SNX29: variants seen among roughly 807,000 people sequenced by gnomAD.
SNX29 encodes the protein sorting nexin 29.
Under a neutral mutation model 102.1 loss-of-function variants are expected in SNX29, and 78 were observed. The observed-to-expected ratio is 0.76, with a 90% confidence interval of 0.64 to 0.92. The LOEUF (loss-of-function observed/expected upper bound fraction) is 0.92, where lower values mean the gene tolerates loss of function less well. SNX29 is among the 40% of genes least tolerant of loss of function. SNX29 has a pLI of 0.00. For synonymous variants in SNX29, 580 were observed against 414.5 expected, an observed-to-expected ratio of 1.40 and a Z score of -4.85; for missense variants, 1,280 against 1,061.7, an observed-to-expected ratio of 1.21 and a Z score of -2.86.
At chr16:12,463,853 T>TGTGTGA (rs1215790835) in intron 18 of SNX29, among the ~76,000 whole-genome samples, 31 of 137,382 alleles carry the variant, frequency 2.3e-4, no homozygotes, top group African/African-American at 6.2e-4. Context: ...TGTGTGTGTG[T>TGTGTGA]GAGAGATGAC....
intron 14 of SNX29, among the ~76,000 whole-genome samples, chr16:12,273,916 C>CT (rs1228888958): frequency 1.3e-5 from 2 of 152,206 alleles, no homozygotes; most frequent in South Asian, 4.1e-4. Flanking sequence ...TGAGTCTGCT[C>CT]TTCATTCCTC....
intron 16 of SNX29, among the ~76,000 whole-genome samples, chr16:12,381,277 G>T (rs1204050736): frequency 3.2e-5 from 2 of 62,812 alleles, no homozygotes; most frequent in Non-Finnish European, 5.9e-5. Context: ...CCACGCATCT[G>T]CCCACCACCC....
At chr16:12,439,695 C>T (rs910310784) in intron 18 of SNX29, among the ~76,000 whole-genome samples, 21 of 147,882 alleles carry the variant, frequency 1.4e-4, no homozygotes, top group Non-Finnish European at 4.5e-5. Context: ...AGCTACAATT[C>T]AAGATGAGAT....
At chr16:12,382,317 C>G (rs11075065) in intron 16 of SNX29, among the ~76,000 whole-genome samples, 61,219 of 151,982 alleles carry the variant, frequency 0.4, 13,757 homozygotes, top group East Asian at 0.58. Context: ...TGGTGTGAAC[C>G]TTGCTCCGTC....
chr16:12,520,196 G>A (rs780562324), intron 19 of SNX29, among the ~76,000 whole-genome samples: 1 of 152,138 alleles, frequency 6.6e-6, no homozygotes, highest in Non-Finnish European at 1.5e-5. Context: ...AGTGCCTGGG[G>A]CAGAGGATGA....
At chr16:12,556,973 T>C (rs1423308256) in intron 20 of SNX29, among the ~76,000 whole-genome samples, 2 of 145,446 alleles carry the variant, frequency 1.4e-5, no homozygotes, top group East Asian at 2.0e-4. Flanking sequence ...TTCTGCCTCA[T>C]GAGTAGCTGG....
At chr16:12,246,099 T>C (rs1158713191) in intron 14 of SNX29, among the ~76,000 whole-genome samples, 1 of 152,216 alleles carries the variant, frequency 6.6e-6, no homozygotes, top group East Asian at 1.9e-4. Flanking sequence ...ACTTCCCACA[T>C]AAAGCACAGG....
chr16:12,394,861 G>C (rs1306483772), intron 16 of SNX29, among the ~76,000 whole-genome samples: 4 of 152,152 alleles, frequency 2.6e-5, no homozygotes, highest in African/African-American at 4.8e-5. Flanking sequence ...GCACACCTCT[G>C]CCCACCTGCT....
chr16:12,122,025 G>C (rs1297806877), intron 11 of SNX29, among the ~76,000 whole-genome samples: 1 of 152,114 alleles, frequency 6.6e-6, no homozygotes, highest in Non-Finnish European at 1.5e-5. Flanking sequence ...CATGTTGGCT[G>C]GGATGGTCTT....
intron 13 of SNX29, among the ~76,000 whole-genome samples, chr16:12,187,252 C>T (rs2076533450): frequency 6.6e-6 from 1 of 152,224 alleles, no homozygotes; most frequent in Non-Finnish European, 1.5e-5. Context: ...CCCTCTATGC[C>T]TGGGACTCTG....
At chr16:12,088,053 T>C in intron 11 of SNX29, 1 of 456,670 alleles carries the variant, frequency 2.2e-6, no homozygotes, top group Non-Finnish European at 4.4e-6. Context: ...CTTGTGTCTC[T>C]AGGCTAGGCT....
chr16:12,299,802 TAACTA>T (rs1286882825), intron 15 of SNX29, among the ~76,000 whole-genome samples: 3 of 148,938 alleles, frequency 2.0e-5, no homozygotes, highest in Admixed American at 2.0e-4. Context: ...TTTTTTTACT[TAACTA>T]CCTTGATTTA....
At chr16:12,567,419 A>AG (rs2079057368) in intron 20 of SNX29, among the ~76,000 whole-genome samples, 1 of 152,236 alleles carries the variant, frequency 6.6e-6, no homozygotes, top group Admixed American at 6.5e-5. Flanking sequence ...AGCGTATAGT[A>AG]GGCAGAGTAA....
intron 14 of SNX29, among the ~76,000 whole-genome samples, chr16:12,228,485 C>G (rs906883266): frequency 6.6e-6 from 1 of 151,214 alleles, no homozygotes; most frequent in African/African-American, 2.5e-5. Flanking sequence ...TCTGGTCACT[C>G]TTACCCCTTT....
At position 12,573,758 on chromosome 16, in the gene SNX29, C is replaced by G. The variant is rs141875642; in HGVS notation, c.*5129C>G. 2 of 222,488 alleles carry G rather than the reference C, an allele frequency of 9.0e-6. No homozygotes were observed. The highest frequency in any genetic ancestry group is 1.8e-5 in the Non-Finnish European group (2 of 111,356). The allele number at this position is 222,488 out of a possible 1,614,324, so 13.8% of individuals were successfully genotyped here. ...TACATTTGCACCCAGAGCTACTAAA[C>G]GCTCAGTGACCCCAGAGACCATTAA... On this transcript the variant is annotated 3_prime_UTR_variant, in exon 21 of 21. Transcript: ENST00000566228.
intron 20 of SNX29, among the ~76,000 whole-genome samples, chr16:12,526,144 C>T (rs181737699): frequency 4.6e-5 from 7 of 152,278 alleles, no homozygotes; most frequent in East Asian, 1.9e-4. Flanking sequence ...TGTTCTGGGT[C>T]GGTGTGATTT....
intron 19 of SNX29, among the ~76,000 whole-genome samples, chr16:12,498,137 C>A (rs1416814517): frequency 6.6e-6 from 1 of 152,188 alleles, no homozygotes; most frequent in Non-Finnish European, 1.5e-5. Context: ...GCTATTGAAG[C>A]AGATAGACGA....
At chr16:12,206,750 A>G (rs2077053271) in intron 14 of SNX29, among the ~76,000 whole-genome samples, 1 of 150,790 alleles carries the variant, frequency 6.6e-6, no homozygotes, top group Non-Finnish European at 1.5e-5. Flanking sequence ...TCACCTGGGA[A>G]ATTTTTAAAA....
intron 14 of SNX29, among the ~76,000 whole-genome samples, chr16:12,245,054 G>A (rs1269097848): frequency 6.6e-6 from 1 of 152,182 alleles, no homozygotes; most frequent in Admixed American, 6.5e-5. Flanking sequence ...TTTTCTTACA[G>A]TGATAGAAAA....
Sources: allele counts gnomAD v4.1 joint callset (sites outside exome capture counted in the v4.1 genomes callset), GRCh38; gene constraint gnomAD v4.1.1; transcripts MANE v1.5; gene names NCBI Gene and HGNC (gene_info 2026-07-23, HGNC 2026-07-21).